The following ARHGAP22 variants were observed in gnomAD, a reference collection of about 807,000 sequenced individuals.
ARHGAP22 encodes rho GTPase-activating protein 22.
Under a neutral mutation model 59.1 loss-of-function variants are expected in ARHGAP22, and 48 were observed. That is an observed-to-expected ratio of 0.81 (90% CI 0.64 to 1.03). The LOEUF (loss-of-function observed/expected upper bound fraction) is 1.03. ARHGAP22 is among the 50% of genes least tolerant of loss of function. The probability of loss-of-function intolerance (pLI) is 0.00; values close to 1 mark genes in which losing one functional copy is unlikely to be tolerated. For missense variants in ARHGAP22, 1,015 were observed against 958.7 expected, an observed-to-expected ratio of 1.06 and a Z score of -0.78; for synonymous variants, 445 against 416.4, an observed-to-expected ratio of 1.07 and a Z score of -0.84.
At chr10:48,471,063 T>C (rs2048184212) in intron 4 of ARHGAP22, among the ~76,000 whole-genome samples, 1 of 152,232 alleles carries the variant, frequency 6.6e-6, no homozygotes, top group Admixed American at 6.5e-5. Flanking sequence ...TTTTTTTCCA[T>C]GTCACATGTC....
At chr10:48,551,028 A>C (rs964648825) in intron 3 of ARHGAP22, among the ~76,000 whole-genome samples, 2 of 152,140 alleles carry the variant, frequency 1.3e-5, no homozygotes, top group Non-Finnish European at 2.9e-5. Context: ...GTGCTGGCAT[A>C]GATAGGGGTT....
At chr10:48,490,190 T>C (rs1360264393) in intron 3 of ARHGAP22, among the ~76,000 whole-genome samples, 4 of 152,182 alleles carry the variant, frequency 2.6e-5, no homozygotes, top group African/African-American at 9.7e-5. Flanking sequence ...GAGAATGAAA[T>C]GGGACAGCCC....
chr10:48,618,955 A>C (rs1447365224), intron 1 of ARHGAP22, among the ~76,000 whole-genome samples: 1 of 152,100 alleles, frequency 6.6e-6, no homozygotes, highest in Admixed American at 6.5e-5. Context: ...GAAGACCCTA[A>C]AAGCCCCACC....
At chr10:48,625,644 C>G (rs554888930) in intron 1 of ARHGAP22, among the ~76,000 whole-genome samples, 1 of 150,790 alleles carries the variant, frequency 6.6e-6, no homozygotes, top group Non-Finnish European at 1.5e-5. Flanking sequence ...TAGACCAGAC[C>G]GTGCTCACAT....
intron 4 of ARHGAP22, among the ~76,000 whole-genome samples, chr10:48,464,972 G>T (rs1039640663): frequency 4.0e-5 from 6 of 151,702 alleles, no homozygotes; most frequent in African/African-American, 1.5e-4. Flanking sequence ...TTCCTTCCCC[G>T]CGGCCCTCCT....
chr10:48,607,387 G>C (rs1204630312), upstream of ARHGAP22, among the ~76,000 whole-genome samples: 1 of 152,168 alleles, frequency 6.6e-6, no homozygotes, highest in Admixed American at 6.5e-5. Flanking sequence ...TGGGGGAATG[G>C]GGCAGGTGGG....
At chr10:48,430,613 A>G in the ARHGAP22 span, 2 of 152,604 alleles carry the variant, frequency 1.3e-5, no homozygotes, top group Non-Finnish European at 2.9e-5. Flanking sequence ...CCATGGAGAA[A>G]TGTTCTTCGA....
At chr10:48,505,277 A>T (rs2051985439) in intron 3 of ARHGAP22, among the ~76,000 whole-genome samples, 1 of 152,012 alleles carries the variant, frequency 6.6e-6, no homozygotes, top group Non-Finnish European at 1.5e-5. Context: ...CTGGTCTCGA[A>T]CTCCTGATTT....
chr10:48,442,949 A>C (rs1284243232), downstream of ARHGAP22, among the ~76,000 whole-genome samples: 1 of 152,158 alleles, frequency 6.6e-6, no homozygotes, highest in Non-Finnish European at 1.5e-5. Flanking sequence ...GAGTGGGGTC[A>C]TCAAGCCAGC....
At chr10:48,632,571 A>G (rs1216530436) in intron 1 of ARHGAP22, among the ~76,000 whole-genome samples, 1 of 152,066 alleles carries the variant, frequency 6.6e-6, no homozygotes, top group Non-Finnish European at 1.5e-5. Context: ...TGTTTTCTGC[A>G]TTTTGAATGT....
intron 3 of ARHGAP22, among the ~76,000 whole-genome samples, chr10:48,539,057 G>C (rs2055647605): frequency 6.6e-6 from 1 of 152,186 alleles, no homozygotes; most frequent in Non-Finnish European, 1.5e-5. Context: ...AAATTAGTTT[G>C]AAATTTAGCT....
chr10:48,646,752 C>G (rs1215733030), intron 1 of ARHGAP22, among the ~76,000 whole-genome samples: 1 of 152,134 alleles, frequency 6.6e-6, no homozygotes, highest in Non-Finnish European at 1.5e-5. Flanking sequence ...GGTCTTAGCT[C>G]TAAATGTAGA....
chr10:48,446,379 C>A lies in ARHGAP22; in HGVS notation c.*12G>T. 1 of 1,613,800 alleles carries A rather than the reference C, an allele frequency of 6.2e-7. No homozygotes were observed. Among genetic ancestry groups the A allele is most frequent in the East Asian group, 2.2e-5 (1 of 44,882 alleles). Reference sequence around the variant, plus strand: ...AGCAGACGTGGTACAGAAGTGAGCTCTGCCATTCCTTTTACTTTGGGGCCC... The same window carrying A: ...AGCAGACGTGGTACAGAAGTGAGCTATGCCATTCCTTTTACTTTGGGGCCC... On this transcript the variant is annotated 3_prime_UTR_variant, in exon 10 of 10. Transcript: ENST00000249601.
chr10:48,444,622 T>TTTCA (rs1260668036), downstream of ARHGAP22: 6 of 152,188 alleles, frequency 3.9e-5, no homozygotes, highest in African/African-American at 1.4e-4. Flanking sequence ...GGGAAACCCA[T>TTTCA]TTCAGTCTCC....
chr10:48,631,199 C>A (rs1197833065), intron 1 of ARHGAP22, among the ~76,000 whole-genome samples: 1 of 148,954 alleles, frequency 6.7e-6, no homozygotes, highest in Admixed American at 6.8e-5. Context: ...TTATTGGATT[C>A]AATTTGCTAA....
chr10:48,523,423 C>T (rs1158709353), intron 3 of ARHGAP22, among the ~76,000 whole-genome samples: 8 of 152,124 alleles, frequency 5.3e-5, no homozygotes, highest in Non-Finnish European at 1.2e-4. Flanking sequence ...CCCCAGCCCC[C>T]GGGAGGCCGG....
chr10:48,443,028 G>T (rs1467817530), downstream of ARHGAP22, among the ~76,000 whole-genome samples: 1 of 152,140 alleles, frequency 6.6e-6, no homozygotes, highest in African/African-American at 2.4e-5. Flanking sequence ...CTTGGAAACT[G>T]CTGTGTTCTG....
chr10:48,446,173 T>C lies in ARHGAP22; in HGVS notation c.*218A>G. The C allele has an allele frequency of 1.7e-6, 1 of 597,650 alleles. No individual in the cohort carries two copies. Among genetic ancestry groups the C allele is most frequent in the Non-Finnish European group, 3.0e-6 (1 of 338,296 alleles). 37.0% of individuals were successfully genotyped at this position (597,650 alleles called of 1,614,324 possible). Reference sequence around the variant, plus strand: ...CGCTACTCTTGGTACCGTCCCCTTCTGACCCTCACCAGGAACTGCATGGTT... The same window carrying C: ...CGCTACTCTTGGTACCGTCCCCTTCCGACCCTCACCAGGAACTGCATGGTT... On this transcript the variant is annotated 3_prime_UTR_variant, in exon 10 of 10. Transcript: ENST00000249601.
chr10:48,647,386 T>G (rs758286623), intron 1 of ARHGAP22, among the ~76,000 whole-genome samples: 24 of 151,926 alleles, frequency 1.6e-4, no homozygotes, highest in African/African-American at 5.6e-4. Context: ...AGAGCAAAAC[T>G]CAGTATCAAA....
Sources: allele counts gnomAD v4.1 joint callset (sites outside exome capture counted in the v4.1 genomes callset), GRCh38; gene constraint gnomAD v4.1.1; transcripts MANE v1.5; gene names NCBI Gene and HGNC (gene_info 2026-07-23, HGNC 2026-07-21).